The following LARS1 variants were observed in gnomAD, a reference collection of about 807,000 sequenced individuals.
LARS1 encodes leucine--tRNA ligase, cytoplasmic.
In LARS1, 100 loss-of-function variants were observed where a neutral mutation model predicts 162.8. The ratio of observed to expected loss-of-function variants is 0.61; its 90% CI spans 0.52 to 0.73. The LOEUF (loss-of-function observed/expected upper bound fraction) is 0.73, where lower values mean the gene tolerates loss of function less well. Among genes scored for constraint, LARS1 ranks in the 30% least tolerant of loss-of-function variants. The pLI is 0.00. For missense variants in LARS1, 1,258 were observed against 1,408.9 expected (o/e 0.89, Z 1.71); for synonymous variants, 457 against 462.8 (o/e 0.99, Z 0.16).
At chr5:146,133,108 C>T (rs1752359115) in intron 22 of LARS1, 27 bp from the exon 23 acceptor site, 2 of 1,605,440 alleles carry the variant, frequency 1.2e-6, no homozygotes, top group Non-Finnish European at 1.7e-6. Context: ...AAATTCAATG[C>T]ATTAAAAATA....
intron 6 of LARS1, 39 bp downstream of exon 6, chr5:146,164,271 C>CAAAAAAGCACA: frequency 3.2e-6 from 5 of 1,580,268 alleles, no homozygotes; most frequent in Non-Finnish European, 3.5e-6. Flanking sequence ...AAAGCACATA[C>CAAAAAAGCACA]TTGTAAATGC....
chr5:146,157,582 G>T lies in LARS1; in HGVS notation c.886C>A (p.Pro296Thr). The T allele has an allele frequency of 6.8e-6, 11 of 1,613,932 alleles. No homozygotes were observed. Among genetic ancestry groups the T allele is most frequent in the Non-Finnish European group, 9.3e-6 (11 of 1,180,022 alleles). The stretch of plus-strand genomic sequence containing the variant: ...TTTGTCTGCCCAAACATGGTCTCAG[G>T]TCTGAGAGTAGCAGCCACCAAGAAA... ...NIFLVAATLR[P>T]ETMFGQTNCW... The change falls in exon 10 of 32, where the codon CCT becomes ACT. Residue 296 changes from proline (P) to threonine (T), a missense_variant. By Grantham distance (38) the Pro-to-Thr change is conservative (BLOSUM62 -1). Transcript: ENST00000394434.
chr5:146,176,448 CAAAAAAA>C (rs34896615), intron 2 of LARS1, among the ~76,000 whole-genome samples: 3 of 76,996 alleles, frequency 3.9e-5, no homozygotes, highest in African/African-American at 1.9e-4. Flanking sequence ...AAGACTGTCT[CAAAAAAA>C]AAAAAAAAAA....
At chr5:146,135,097 G>A (rs553956596) in intron 22 of LARS1, among the ~76,000 whole-genome samples, 116 of 152,066 alleles carry the variant, frequency 7.6e-4, no homozygotes, top group Admixed American at 1.0e-3. Context: ...TCCGCCTCCC[G>A]GGTTCAAGCG....
In LARS1 at chr5:146,161,962, C is replaced by T. The variant is rs1321620781; in HGVS notation, c.595-1476G>A. Among the ~76,000 whole-genome samples the T allele has an allele frequency of 2.6e-5, 4 of 152,164 alleles. No homozygotes were observed. In the East Asian group the frequency reaches 5.8e-4, roughly 22 times the overall value. The stretch of plus-strand genomic sequence containing the variant: ...TTCAAGTTTTCTCATGAGATTATAG[C>T]AATTCAGGCTTATCTTCAAGCTCCA... On this transcript the variant is annotated intron_variant, in intron 6 of 31. Coordinates refer to ENST00000394434, the MANE Select transcript of LARS1 (RefSeq NM_020117.11).
At chr5:146,169,459 G>A (rs1754162419) in intron 4 of LARS1, among the ~76,000 whole-genome samples, 1 of 152,042 alleles carries the variant, frequency 6.6e-6, no homozygotes, top group Non-Finnish European at 1.5e-5. Flanking sequence ...AACAGGCAAG[G>A]ATGATTAAAG....
chr5:146,133,038 A>G lies in LARS1; in HGVS notation c.2256T>C (p.Asp752=), dbSNP rs375296475. 1.2e-4 allele frequency: 199 copies of G among 1,614,042 alleles called. No individual in the cohort carries two copies. Among genetic ancestry groups the G allele is most frequent in the Non-Finnish European group, 1.6e-4 (191 of 1,180,016 alleles). ...ALADAGDTVE[D]ANFVEAMADA... ...CTGCCATGGCTTCCACAAAGTTGGC[A>G]TCTTCTACAGTGTCACCAGCATCAG... is the stretch of plus-strand genomic sequence containing the variant. Residue 752 remains aspartate (D), a synonymous_variant, in exon 23 of 32, where the codon GAT becomes GAC. Transcript: ENST00000394434.
At chr5:146,158,427 A>T (rs529314305) in intron 8 of LARS1, among the ~76,000 whole-genome samples, 5 of 152,214 alleles carry the variant, frequency 3.3e-5, no homozygotes, top group Non-Finnish European at 7.3e-5. Context: ...TTTTGAAAAT[A>T]TGTTCAAAGA....
Position 146,182,643 on chromosome 5 carries a change from T to C in LARS1, c.-150A>G. ...ACACCTGCTGAGGCAATCATCCGGC[T>C]CCTTACTAACTACAGCCAAGGCATC... On this transcript the variant is annotated 5_prime_UTR_variant, in exon 1 of 32. Transcript: ENST00000394434. 9.3e-7 allele frequency: 1 copy of C among 1,080,642 alleles called. No individual in the cohort carries two copies. The highest frequency in any genetic ancestry group is 1.4e-6 in the Non-Finnish European group (1 of 717,022). The allele number at this position is 1,080,642 out of a possible 1,614,324, so 66.9% of individuals were successfully genotyped here.
intron 21 of LARS1, among the ~76,000 whole-genome samples, chr5:146,137,209 T>C (rs1276690342): frequency 6.6e-6 from 1 of 152,236 alleles, no homozygotes; most frequent in Non-Finnish European, 1.5e-5. Context: ...CCTACAACTA[T>C]TTTCATTATG....
chr5:146,140,400 T>C, intron 20 of LARS1, 139 bp from the exon 21 acceptor site: 1 of 645,856 alleles, frequency 1.5e-6, no homozygotes, highest in East Asian at 2.8e-5. Context: ...TAGTCCTTTT[T>C]GTAATGGGAA....
intron 14 of LARS1, among the ~76,000 whole-genome samples, chr5:146,150,736 G>A (rs1026476030): frequency 2.6e-5 from 4 of 151,662 alleles, no homozygotes; most frequent in Admixed American, 6.6e-5. Context: ...TCAGGAGTTC[G>A]AGACCAGTCT....
At chr5:146,129,512 T>C (rs906398244) in intron 25 of LARS1, among the ~76,000 whole-genome samples, 1 of 152,198 alleles carries the variant, frequency 6.6e-6, no homozygotes, top group Non-Finnish European at 1.5e-5. Context: ...TGAGCACATT[T>C]CTGTATTGTT....
At chr5:146,124,676 T>C (rs780965779) in intron 28 of LARS1, among the ~76,000 whole-genome samples, 10 of 151,938 alleles carry the variant, frequency 6.6e-5, no homozygotes, top group Non-Finnish European at 1.5e-4. Flanking sequence ...CTGTGCAAAA[T>C]AGAATCCTAG....
intron 8 of LARS1, 120 bp downstream of exon 8, chr5:146,159,287 A>G: frequency 1.5e-6 from 1 of 666,994 alleles, no homozygotes. Flanking sequence ...CATATCCACC[A>G]GAGTATCAGG....
intron 1 of LARS1, among the ~76,000 whole-genome samples, chr5:146,181,669 T>A (rs1351698868): frequency 6.6e-6 from 1 of 151,796 alleles, no homozygotes; most frequent in African/African-American, 2.4e-5. Flanking sequence ...AAAAAATTTT[T>A]AAAAATTGCA....
chr5:146,128,858 T>A, intron 26 of LARS1, 76 bp from the exon 27 acceptor site: 1 of 1,424,774 alleles, frequency 7.0e-7, no homozygotes. Flanking sequence ...TCCCCCAACA[T>A]ACACCACCAC....
intron 31 of LARS1, among the ~76,000 whole-genome samples, chr5:146,116,291 G>A (rs17426775): frequency 0.072 from 10,969 of 152,260 alleles, 578 homozygotes; most frequent in Admixed American, 0.15. Context: ...TAGATGCAGT[G>A]ACAAGTTCTG....
At chr5:146,133,211 G>A in intron 22 of LARS1, 130 bp from the exon 23 acceptor site, 2 of 653,004 alleles carry the variant, frequency 3.1e-6, no homozygotes, top group South Asian at 2.9e-5. Flanking sequence ...GGACTGTCCT[G>A]GATCAACAAC....
Sources: allele counts gnomAD v4.1 joint callset (sites outside exome capture counted in the v4.1 genomes callset), GRCh38; gene constraint gnomAD v4.1.1; transcripts MANE v1.5; gene names NCBI Gene and HGNC (gene_info 2026-07-23, HGNC 2026-07-21).